Variants in TXNL4A observed in about 807,000 individuals in gnomAD.
TXNL4A encodes the protein thioredoxin-like protein 4A.
A neutral mutation model predicts 14.6 loss-of-function variants in TXNL4A; 17 were observed. That is an observed-to-expected ratio of 1.16 (90% CI 0.80 to 1.74). The LOEUF (loss-of-function observed/expected upper bound fraction) is 1.74. Among genes scored for constraint, TXNL4A ranks in the 40% most tolerant of loss-of-function variants. TXNL4A has a pLI of 0.00. For synonymous variants in TXNL4A, 83 were observed against 70.6 expected (o/e 1.18, Z -0.88); for missense variants, 74 against 195.2 (o/e 0.38, Z 3.70).
intron 1 of TXNL4A, among the ~76,000 whole-genome samples, chr18:80,021,006 A>C (rs186726848): frequency 6.6e-6 from 1 of 152,306 alleles, no homozygotes; most frequent in East Asian, 1.9e-4. Context: ...CTTCTTGAGA[A>C]ACCCCCTCAG....
intron 1 of TXNL4A, among the ~76,000 whole-genome samples, chr18:79,985,001 T>C (rs1362733997): frequency 6.6e-6 from 1 of 152,144 alleles, no homozygotes; most frequent in Admixed American, 6.5e-5. Context: ...AATTGTCTCC[T>C]GTGACGGCGT....
chr18:79,983,963 A>G (rs928519512), intron 1 of TXNL4A, among the ~76,000 whole-genome samples: 2 of 151,930 alleles, frequency 1.3e-5, no homozygotes, highest in African/African-American at 4.8e-5. Flanking sequence ...CACTCCTCAT[A>G]CCTTGTGGCT....
chr18:79,989,864 C>T (rs1320577423), upstream of TXNL4A, among the ~76,000 whole-genome samples: 1 of 152,150 alleles, frequency 6.6e-6, no homozygotes, highest in Admixed American at 6.5e-5. Flanking sequence ...GGCATGGTGG[C>T]GCCCGCCTAT....
At chr18:79,989,181 C>G (rs11081578), upstream of TXNL4A, among the ~76,000 whole-genome samples, 1 of 152,144 alleles carries the variant, frequency 6.6e-6, no homozygotes, top group Non-Finnish European at 1.5e-5. Context: ...GTGACGTGAT[C>G]TTGGCCCACT....
rs200161075 is a variant in TXNL4A, at chr18:79,987,122, G to A, written c.153+1118C>T. Among the ~76,000 whole-genome samples, 7 of 152,232 alleles carry A rather than the reference G, an allele frequency of 4.6e-5. No individual in the cohort carries two copies. In the East Asian group the frequency reaches 1.4e-3, roughly 29 times the overall value. ...CAAGTCGCATCAGAATTCCCTGAGG[G>A]GCTTCTTTAAAAAGCCATTGCTGGA... On this transcript the variant is annotated intron_variant, in intron 1 of 2. Coordinates refer to ENST00000269601, the MANE Select transcript of TXNL4A (RefSeq NM_006701.5).
intron 1 of TXNL4A, among the ~76,000 whole-genome samples, chr18:80,000,822 T>A (rs1271691655): frequency 3.3e-5 from 5 of 152,068 alleles, no homozygotes; most frequent in African/African-American, 1.2e-4. Context: ...CCCAGCTAAT[T>A]TTTGTATTTT....
chr18:79,984,581 T>A (rs963838298), intron 1 of TXNL4A, among the ~76,000 whole-genome samples: 19 of 152,172 alleles, frequency 1.2e-4, no homozygotes, highest in Non-Finnish European at 1.9e-4. Context: ...ACAAAAAAAA[T>A]GTACTATCAT....
At chr18:79,991,859 T>C (rs560446910), upstream of TXNL4A, among the ~76,000 whole-genome samples, 23 of 152,184 alleles carry the variant, frequency 1.5e-4, no homozygotes, top group Non-Finnish European at 2.9e-4. Context: ...TCCATGACAC[T>C]GCCTCAGGAG....
chr18:80,014,385 A>G (rs1025686707), intron 1 of TXNL4A, among the ~76,000 whole-genome samples: 2 of 152,210 alleles, frequency 1.3e-5, no homozygotes, highest in African/African-American at 4.8e-5. Context: ...TATTGGGTAA[A>G]TACAGCCATT....
chr18:79,980,366 C>T (rs1407577052), intron 1 of TXNL4A, among the ~76,000 whole-genome samples: 1 of 152,198 alleles, frequency 6.6e-6, no homozygotes, highest in Non-Finnish European at 1.5e-5. Flanking sequence ...ATATGCACAA[C>T]ATTTCTTCAT....
rs1158812619 is a variant in TXNL4A at position 80,028,037 on chromosome 18, C to A, written c.-61+5814G>T. ...GACTCTTGAGGGACAATCAGCTATA[C>A]AACAAATAAAGGAAATTCTAACTAA... is the stretch of plus-strand genomic sequence containing the variant. On this transcript the variant is annotated intron_variant, in intron 1 of 2. Coordinates refer to the TXNL4A transcript ENST00000585474. Among the ~76,000 whole-genome samples, 3 of 152,098 alleles carry A rather than the reference C, an allele frequency of 2.0e-5. No homozygotes were observed. In the East Asian group the frequency reaches 5.8e-4, roughly 29 times the overall value.
rs969263306 is a variant in TXNL4A at position 79,972,988 on chromosome 18, C to A, written c.*697G>T. The A allele has an allele frequency of 6.6e-6, 1 of 152,132 alleles. No individual in the cohort carries two copies. 9.4% of individuals were successfully genotyped at this position (152,132 alleles called of 1,614,324 possible). ...CAAAATTTATATATTGAAGTCCTAA[C>A]CCCCAGCACCTCAGACTGTGACTTT... On this transcript the variant is annotated 3_prime_UTR_variant, in exon 3 of 3. Coordinates refer to ENST00000269601, the MANE Select transcript of TXNL4A (RefSeq NM_006701.5).
At chr18:79,978,331 T>G (rs117696076) in intron 1 of TXNL4A, among the ~76,000 whole-genome samples, 1 of 152,296 alleles carries the variant, frequency 6.6e-6, no homozygotes, top group East Asian at 1.9e-4. Context: ...TCCCCGCAAT[T>G]AGGTCTGAAC....
In TXNL4A at chr18:79,999,492, C is replaced by T. The variant is rs191721516; in HGVS notation, c.-60-21791G>A. ...TGGAGGTTACAGTGAGCCAAGACTG[C>T]GCCACTGCACTTCAGCCTGAGTGAC... On this transcript the variant is annotated intron_variant, in intron 1 of 2. Transcript: ENST00000585474. Among the ~76,000 whole-genome samples, 324 of 147,580 alleles carry T rather than the reference C, an allele frequency of 2.2e-3. 2 individuals carry two copies. In the Middle Eastern group the frequency reaches 0.063, roughly 29 times the overall value.
At chr18:80,024,667 C>T (rs779908658) in intron 1 of TXNL4A, among the ~76,000 whole-genome samples, 15 of 152,146 alleles carry the variant, frequency 9.9e-5, no homozygotes, top group Non-Finnish European at 1.9e-4. Flanking sequence ...CTCCCTAAGA[C>T]GTGCAGCAGC....
chr18:80,027,501 G>A (rs1205806309), intron 1 of TXNL4A, among the ~76,000 whole-genome samples: 5 of 152,134 alleles, frequency 3.3e-5, no homozygotes, highest in Non-Finnish European at 5.9e-5. Context: ...TAGTATTCCT[G>A]TAGATCCAGA....
intron 1 of TXNL4A, chr18:79,986,604 T>A: frequency 1.0e-6 from 1 of 985,436 alleles, no homozygotes; most frequent in Non-Finnish European, 1.2e-6. Context: ...ACACTTACAT[T>A]AACACATAAA....
chr18:79,981,599 G>A (rs945834647), intron 1 of TXNL4A, among the ~76,000 whole-genome samples: 1 of 152,240 alleles, frequency 6.6e-6, no homozygotes, highest in African/African-American at 2.4e-5. Flanking sequence ...CTGAACCCAG[G>A]ATGTGGAGAT....
intron 1 of TXNL4A, among the ~76,000 whole-genome samples, chr18:80,017,436 G>C (rs2051819168): frequency 6.6e-6 from 1 of 151,758 alleles, no homozygotes; most frequent in Non-Finnish European, 1.5e-5. Flanking sequence ...TCCCTGTCTT[G>C]TGCCAATTTT....
Sources: gnomAD v4.1 joint callset for allele counts (sites outside exome capture counted in the v4.1 genomes callset) on GRCh38, gnomAD v4.1.1 for gene constraint, MANE v1.5 for transcripts, NCBI Gene and HGNC (gene_info 2026-07-23, HGNC 2026-07-21) for gene names.